GALNT1: variants seen among roughly 807,000 people sequenced by gnomAD.
The protein encoded by GALNT1 is polypeptide N-acetylgalactosaminyltransferase 1, also known as GalNAc transferase 1.
GALNT1 carries 17 observed loss-of-function variants against 65.7 expected under a neutral mutation model. The observed-to-expected ratio is 0.26, with a 90% CI of 0.18 to 0.39. The LOEUF (loss-of-function observed/expected upper bound fraction) is 0.39, where lower values mean the gene tolerates loss of function less well. Ranked by LOEUF, GALNT1 falls within the 10% of genes least tolerant of loss-of-function variation. The pLI is 1.00. For missense variants in GALNT1, 460 were observed against 672.8 expected, an observed-to-expected ratio of 0.68 and a Z score of 3.50; for synonymous variants, 210 against 219.7, an observed-to-expected ratio of 0.96 and a Z score of 0.39.
At chr18:35,643,940 C>A (rs2144316248) in intron 1 of GALNT1, among the ~76,000 whole-genome samples, 1 of 152,210 alleles carries the variant, frequency 6.6e-6, no homozygotes, top group South Asian at 2.1e-4. Flanking sequence ...TTGTTTTGAA[C>A]ATACATTACT....
intron 10 of GALNT1, among the ~76,000 whole-genome samples, 154 bp downstream of exon 10, chr18:35,703,149 AT>A (rs201042863): frequency 0.011 from 1,627 of 147,712 alleles, 28 homozygotes; most frequent in African/African-American, 0.035. Context: ...CAATCCAGTG[AT>A]TTTTTTTTTT....
chr18:35,619,485 A>T (rs764875786), intron 1 of GALNT1, among the ~76,000 whole-genome samples: 1 of 152,144 alleles, frequency 6.6e-6, no homozygotes, highest in Non-Finnish European at 1.5e-5. Context: ...CAGATGATCC[A>T]GTTATACAGG....
chr18:35,707,257 T>C (rs1209875557), intron 11 of GALNT1, among the ~76,000 whole-genome samples: 1 of 152,252 alleles, frequency 6.6e-6, no homozygotes, highest in Non-Finnish European at 1.5e-5. Flanking sequence ...TGGCAAATTA[T>C]TTTTTCTAGG....
intron 1 of GALNT1, among the ~76,000 whole-genome samples, chr18:35,583,950 G>A (rs2046352227): frequency 6.6e-6 from 1 of 152,136 alleles, no homozygotes; most frequent in South Asian, 2.1e-4. Context: ...GCTTCATATA[G>A]TTTTTAAAAA....
At chr18:35,582,600 C>G (rs553109794) in intron 1 of GALNT1, among the ~76,000 whole-genome samples, 1 of 152,252 alleles carries the variant, frequency 6.6e-6, no homozygotes, top group Non-Finnish European at 1.5e-5. Flanking sequence ...TTTTTTTGGT[C>G]AAGTGGGCAA....
intron 3 of GALNT1, among the ~76,000 whole-genome samples, chr18:35,666,370 G>A (rs1216660793): frequency 6.6e-6 from 1 of 152,094 alleles, no homozygotes; most frequent in African/African-American, 2.4e-5. Context: ...GTCAAGAGAA[G>A]CTTAATTTGT....
At position 35,701,868 on chromosome 18, in the gene GALNT1, A is replaced by G. The variant is rs907444335; in HGVS notation, c.1300-1029A>G. Among the ~76,000 whole-genome samples, 4 of 152,302 alleles carry G rather than the reference A, an allele frequency of 2.6e-5. No individual in the cohort carries two copies. The South Asian group carries it at 6.2e-4, about 24-fold the overall frequency. On this transcript the variant is annotated intron_variant, in intron 9 of 11. Coordinates refer to ENST00000269195, the MANE Select transcript of GALNT1 (RefSeq NM_020474.4). Reference sequence around the variant, plus strand: ...GTGGAATAGCAAGATGGATGTGACTAGTGATAAAGTGACAGTGCAGATTAT... The same window carrying G: ...GTGGAATAGCAAGATGGATGTGACTGGTGATAAAGTGACAGTGCAGATTAT...
chr18:35,706,220 G>C (rs1322002336), intron 11 of GALNT1, among the ~76,000 whole-genome samples: 1 of 152,132 alleles, frequency 6.6e-6, no homozygotes, highest in Non-Finnish European at 1.5e-5. Flanking sequence ...AGAGTATTTA[G>C]AAAGAGCCGG....
chr18:35,692,041 A>T (rs1024305230), intron 8 of GALNT1, 140 bp from the exon 9 acceptor site: 5 of 634,770 alleles, frequency 7.9e-6, no homozygotes, highest in African/African-American at 7.6e-5. Context: ...TGGTGGATTC[A>T]TGGTGTCTCC....
At chr18:35,696,288 G>GT (rs1181063076) in intron 9 of GALNT1, among the ~76,000 whole-genome samples, 1 of 152,218 alleles carries the variant, frequency 6.6e-6, no homozygotes, top group Non-Finnish European at 1.5e-5. Flanking sequence ...GCTAGCAACA[G>GT]TAATTTAGCC....
intron 9 of GALNT1, among the ~76,000 whole-genome samples, chr18:35,695,852 G>C (rs2048047199): frequency 6.6e-6 from 1 of 152,122 alleles, no homozygotes; most frequent in Admixed American, 6.5e-5. Context: ...ATTTCTAGCA[G>C]TCACTCTGCA....
At chr18:35,597,285 T>G (rs1407132284) in intron 1 of GALNT1, 1 of 152,204 alleles carries the variant, frequency 6.6e-6, no homozygotes, top group Non-Finnish European at 1.5e-5. Flanking sequence ...GGAATCCCTT[T>G]GGCATCCATT....
chr18:35,707,459 CA>C, intron 11 of GALNT1, among the ~76,000 whole-genome samples: 1 of 152,154 alleles, frequency 6.6e-6, no homozygotes, highest in Non-Finnish European at 1.5e-5. Context: ...TTCCAAGCCA[CA>C]AGGCTCTGTG....
chr18:35,591,463 A>G (rs914092759), intron 1 of GALNT1, among the ~76,000 whole-genome samples: 1 of 152,258 alleles, frequency 6.6e-6, no homozygotes, highest in African/African-American at 2.4e-5. Context: ...TTTGCTCTTT[A>G]TAACAAAATT....
intron 1 of GALNT1, among the ~76,000 whole-genome samples, chr18:35,598,465 C>A (rs530489870): frequency 6.6e-6 from 1 of 152,090 alleles, no homozygotes; most frequent in Non-Finnish European, 1.5e-5. Flanking sequence ...TTCTCACATA[C>A]GAGTGAGAAC....
At chr18:35,581,440 G>C (rs553000110), upstream of GALNT1, 6 of 146,428 alleles carry the variant, frequency 4.1e-5, no homozygotes, top group Non-Finnish European at 9.1e-5. Flanking sequence ...CCGGGTGAGC[G>C]CCGGCGCCCC....
chr18:35,618,954 C>T (rs1263486155), intron 1 of GALNT1, among the ~76,000 whole-genome samples: 1 of 152,102 alleles, frequency 6.6e-6, no homozygotes, highest in Admixed American at 6.6e-5. Flanking sequence ...GAATGCAAAA[C>T]AATCACTAAC....
At chr18:35,680,506 A>G (rs1460149647) in intron 4 of GALNT1, among the ~76,000 whole-genome samples, 1 of 152,232 alleles carries the variant, frequency 6.6e-6, no homozygotes, top group Non-Finnish European at 1.5e-5. Flanking sequence ...TGCCTGTTAT[A>G]TAACAACAGT....
chr18:35,603,395 C>T (rs2046605845), intron 1 of GALNT1, among the ~76,000 whole-genome samples: 1 of 152,092 alleles, frequency 6.6e-6, no homozygotes, highest in South Asian at 2.1e-4. Flanking sequence ...TTACTAGCCT[C>T]AGATTCAAGT....
Sources: allele counts gnomAD v4.1 joint callset (sites outside exome capture counted in the v4.1 genomes callset), GRCh38; gene constraint gnomAD v4.1.1; transcripts MANE v1.5; gene names NCBI Gene and HGNC (gene_info 2026-07-23, HGNC 2026-07-21).